The following EXD3 variants were observed in gnomAD, a reference collection of about 807,000 sequenced individuals.
The protein encoded by EXD3 is exonuclease 3'-5' domain containing 3.
In EXD3, 92 loss-of-function variants were observed where a neutral mutation model predicts 98.0. The observed-to-expected ratio is 0.94, with a 90% CI of 0.79 to 1.12. The LOEUF is 1.12. Ranked by LOEUF, EXD3 falls within the 50% of genes most tolerant of loss-of-function variation. The pLI is 0.00. For missense variants in EXD3, 1,222 were observed against 1,191.6 expected (o/e 1.03, Z -0.38); for synonymous variants, 569 against 526.0 (o/e 1.08, Z -1.12).
At chr9:137,339,059 A>C (rs1424684089) in intron 17 of EXD3, among the ~76,000 whole-genome samples, 3 of 152,132 alleles carry the variant, frequency 2.0e-5, no homozygotes, top group African/African-American at 7.2e-5. Context: ...TACATATTTG[A>C]AATGTCGGAT....
chr9:137,328,485 A>ACTAATATACAGTCATATG (rs1336695260), intron 17 of EXD3, among the ~76,000 whole-genome samples: 1 of 151,746 alleles, frequency 6.6e-6, no homozygotes, highest in Admixed American at 6.5e-5. Context: ...AGTAAAAACA[A>ACTAATATACAGTCATATG]AAGTAAAAAC....
rs750534406 is a variant in EXD3 at position 137,367,981 on chromosome 9, C to T, written c.471G>A (p.Thr157=). The part of the protein sequence containing the change: ...HHEGRFREAA[T]LGATLKLQSE... Reference sequence around the variant, plus strand: ...ACTGCAGCTTCAACGTCGCGCCCAGCGTGGCTGCCTGGCAAACACAAAGGC... The same window carrying T: ...ACTGCAGCTTCAACGTCGCGCCCAGTGTGGCTGCCTGGCAAACACAAAGGC... Residue 157 remains threonine (T), a synonymous_variant, in exon 6 of 22, where the codon ACG becomes ACA. Coordinates refer to ENST00000340951, the MANE Select transcript of EXD3 (RefSeq NM_017820.5). 2.5e-6 allele frequency: 4 copies of T among 1,609,640 alleles called. No homozygotes were observed. The highest frequency in any genetic ancestry group is 1.7e-5 in the Admixed American group (1 of 59,928).
chr9:137,419,681 TAAATA>T (rs1006710433), intron 1 of EXD3, among the ~76,000 whole-genome samples: 3 of 151,354 alleles, frequency 2.0e-5, no homozygotes, highest in South Asian at 2.1e-4. Context: ...AATAAATAAA[TAAATA>T]AAATAAAATA....
At chr9:137,388,513 C>T (rs886599773) in intron 2 of EXD3, among the ~76,000 whole-genome samples, 2 of 152,138 alleles carry the variant, frequency 1.3e-5, no homozygotes, top group Non-Finnish European at 2.9e-5. Flanking sequence ...CTCTGTTATT[C>T]CCGACACTCT....
At chr9:137,415,999 T>C (rs549507359) in intron 1 of EXD3, among the ~76,000 whole-genome samples, 15 of 152,338 alleles carry the variant, frequency 9.8e-5, no homozygotes, top group African/African-American at 2.9e-4. Context: ...TTCTGAATAC[T>C]ACACAATGTA....
chr9:137,355,707 A>AGGAGGAAGGAGGAAGGAGAAAG (rs1834730164), intron 8 of EXD3, among the ~76,000 whole-genome samples: 5 of 139,138 alleles, frequency 3.6e-5, no homozygotes, highest in Admixed American at 1.4e-4. Context: ...GGAAGGAGGA[A>AGGAGGAAGGAGGAAGGAGAAAG]GGAGGAAGGA....
chr9:137,321,794 C>T (rs1483204870), intron 19 of EXD3, among the ~76,000 whole-genome samples: 2 of 152,170 alleles, frequency 1.3e-5, no homozygotes, highest in African/African-American at 2.4e-5. Flanking sequence ...GGAAGCAGCC[C>T]GTACCCTCCA....
intron 1 of EXD3, among the ~76,000 whole-genome samples, chr9:137,415,606 G>A (rs2131836327): frequency 6.6e-6 from 1 of 152,318 alleles, no homozygotes; most frequent in Admixed American, 6.5e-5. Flanking sequence ...ACACATGGAT[G>A]TACCATGGGA....
At chr9:137,355,224 T>G (rs988855108) in intron 8 of EXD3, among the ~76,000 whole-genome samples, 1 of 151,768 alleles carries the variant, frequency 6.6e-6, no homozygotes, top group African/African-American at 2.4e-5. Flanking sequence ...ACCTCCATAC[T>G]CCACTCCAGA....
At chr9:137,319,182 C>T (rs759030092) in intron 19 of EXD3, among the ~76,000 whole-genome samples, 3 of 152,228 alleles carry the variant, frequency 2.0e-5, no homozygotes, top group African/African-American at 2.4e-5. Flanking sequence ...TCTCCTGCTG[C>T]GTCAGCCTGA....
chr9:137,364,830 A>G (rs1434517589), intron 7 of EXD3, among the ~76,000 whole-genome samples: 2 of 139,140 alleles, frequency 1.4e-5, no homozygotes, highest in Non-Finnish European at 3.0e-5. Flanking sequence ...GTGCAGTGGT[A>G]CTATCTCGGC....
At chr9:137,336,769 T>C (rs1242305155) in intron 17 of EXD3, among the ~76,000 whole-genome samples, 5 of 151,072 alleles carry the variant, frequency 3.3e-5, no homozygotes, top group African/African-American at 7.3e-5. Flanking sequence ...ATAGAATTTA[T>C]AGCTTTCAAA....
intron 2 of EXD3, 115 bp from the exon 3 acceptor site, chr9:137,383,492 G>C (rs116026671): frequency 1.3e-5 from 10 of 754,672 alleles, no homozygotes; most frequent in Non-Finnish European, 1.9e-5. Context: ...TCTGGACCCG[G>C]GGGGCCGGGA....
intron 1 of EXD3, among the ~76,000 whole-genome samples, chr9:137,396,408 A>G (rs1837219266): frequency 6.6e-6 from 1 of 152,232 alleles, no homozygotes; most frequent in African/African-American, 2.4e-5. Context: ...GCAGTTACAC[A>G]AAGCTCAGCA....
chr9:137,330,074 A>AGCT, intron 17 of EXD3, among the ~76,000 whole-genome samples: 1 of 129,512 alleles, frequency 7.7e-6, no homozygotes, highest in African/African-American at 3.2e-5. Flanking sequence ...GCTACACAGG[A>AGCT]ACTACACAGG....
At chr9:137,387,384 C>T (rs1049839654) in intron 2 of EXD3, among the ~76,000 whole-genome samples, 5 of 152,204 alleles carry the variant, frequency 3.3e-5, no homozygotes, top group Non-Finnish European at 7.3e-5. Context: ...CTGAGTCTCT[C>T]GGGCCAGAGC....
At position 137,354,722 on chromosome 9, in the gene EXD3, A is replaced by G; in HGVS notation, c.809T>C (p.Leu270Pro). The change falls in exon 9 of 22, where the codon CTG (leucine) becomes CCG (proline). Residue 270 changes from leucine (L) to proline (P), a missense_variant. By Grantham distance (98) the Leu-to-Pro change is moderately conservative. Transcript: ENST00000340951. ...IQQRLAALRH[L>P]CHKRFVEKSL... ...AACCTCCACAAACCGCTTGTGGCAC[A>G]GGTGCCGCAGGGCCGCCAGGCGCTG... 3 of 1,610,930 alleles carry G rather than the reference A, an allele frequency of 1.9e-6. No individual in the cohort carries two copies. The highest frequency in any genetic ancestry group is 2.5e-6 in the Non-Finnish European group (3 of 1,179,686).
chr9:137,347,628 C>A lies in EXD3; in HGVS notation c.1998+443G>T, dbSNP rs144844125. Among the ~76,000 whole-genome samples the A allele has an allele frequency of 1.3e-5, 2 of 151,828 alleles. No homozygotes were observed. The highest frequency in any genetic ancestry group is 1.3e-4 in the Admixed American group (2 of 15,218). ...CTGGCTAATTTTTCTATTTTTGGTACAGACGGGGTTTCACCATATTGGTCA... is the reference window on the plus strand; with the variant it reads ...CTGGCTAATTTTTCTATTTTTGGTAAAGACGGGGTTTCACCATATTGGTCA... On this transcript the variant is annotated intron_variant, in intron 17 of 21. Transcript: ENST00000340951. The surrounding 1 kb of genome is among the most constrained non-coding windows in gnomAD (Gnocchi z 4.2).
At chr9:137,308,728 C>G (rs1341466865) in intron 20 of EXD3, among the ~76,000 whole-genome samples, 1 of 149,682 alleles carries the variant, frequency 6.7e-6, no homozygotes, top group Non-Finnish European at 1.5e-5. Context: ...CCTCTGCCTC[C>G]CAGGTTCAAG....
Sources: gnomAD v4.1 joint callset for allele counts (sites outside exome capture counted in the v4.1 genomes callset) on GRCh38, gnomAD v4.1.1 for gene constraint, Gnocchi (gnomAD v3.1) non-coding constraint, MANE v1.5 for transcripts, NCBI Gene and HGNC (gene_info 2026-07-23, HGNC 2026-07-21) for gene names.